GSE1: variants seen among roughly 807,000 people sequenced by gnomAD.
GSE1 encodes genetic suppressor element 1.
GSE1 carries 32 observed loss-of-function variants against 112.6 expected under a neutral mutation model. That is an observed-to-expected ratio of 0.28 (90% confidence interval 0.21 to 0.38). GSE1 has a LOEUF of 0.38. GSE1 is among the 10% of genes least tolerant of loss of function. The pLI is 1.00. For missense variants in GSE1, 2,348 were observed against 1,699.2 expected (o/e 1.38, Z -6.71); for synonymous variants, 1,115 against 735.6 (o/e 1.52, Z -8.35).
At chr16:85,626,630 G>C (rs1186776437) in intron 1 of GSE1, among the ~76,000 whole-genome samples, 1 of 152,202 alleles carries the variant, frequency 6.6e-6, no homozygotes, top group Non-Finnish European at 1.5e-5. Context: ...CAGGGGGAAG[G>C]GGCGGATTGG....
chr16:85,395,274 G>A (rs990129965), intron 2 of GSE1, among the ~76,000 whole-genome samples: 5 of 152,164 alleles, frequency 3.3e-5, no homozygotes, highest in Admixed American at 6.5e-5. Context: ...TCCAAGCCCC[G>A]AGCTGCTGAG....
At chr16:85,307,554 C>T (rs1166901114) in intron 1 of GSE1, among the ~76,000 whole-genome samples, 2 of 152,180 alleles carry the variant, frequency 1.3e-5, no homozygotes, top group African/African-American at 4.8e-5. Flanking sequence ...TCGAGCTGTC[C>T]CTCTCCGTGG....
chr16:85,244,339 C>T (rs1218431386), intron 1 of GSE1, among the ~76,000 whole-genome samples: 1 of 152,134 alleles, frequency 6.6e-6, no homozygotes, highest in African/African-American at 2.4e-5. Context: ...ATGTAGGTGG[C>T]TTCTAGAAGC....
At chr16:85,231,211 GGATA>G (rs751432742) in intron 1 of GSE1, among the ~76,000 whole-genome samples, 16 of 149,842 alleles carry the variant, frequency 1.1e-4, no homozygotes, top group South Asian at 4.3e-4. Context: ...ATGGACAGAA[GGATA>G]GATGGATGGA....
At chr16:85,511,689 T>A (rs2051751646) in intron 2 of GSE1, among the ~76,000 whole-genome samples, 1 of 152,098 alleles carries the variant, frequency 6.6e-6, no homozygotes, top group African/African-American at 2.4e-5. Flanking sequence ...CTAAATGCAA[T>A]CTCAAGTGTC....
At chr16:85,508,831 A>C (rs1358691467) in intron 2 of GSE1, among the ~76,000 whole-genome samples, 4 of 152,178 alleles carry the variant, frequency 2.6e-5, no homozygotes, top group Non-Finnish European at 5.9e-5. Flanking sequence ...AAAGGTTCGT[A>C]ACTGTGTGCC....
chr16:85,423,538 C>T (rs1477032720), intron 2 of GSE1, among the ~76,000 whole-genome samples: 6 of 151,862 alleles, frequency 4.0e-5, no homozygotes, highest in African/African-American at 7.3e-5. Context: ...GCTGGGGGGC[C>T]GCTGAGCCCC....
At chr16:85,453,771 C>T (rs187296211) in intron 2 of GSE1, among the ~76,000 whole-genome samples, 7 of 152,308 alleles carry the variant, frequency 4.6e-5, no homozygotes, top group Admixed American at 2.6e-4. Flanking sequence ...CTGCACAAGG[C>T]GGTCGCACCC....
chr16:85,572,847 T>C (rs61693885), intron 1 of GSE1, among the ~76,000 whole-genome samples: 69,846 of 151,974 alleles, frequency 0.46, 17,355 homozygotes, highest in East Asian at 0.66. Flanking sequence ...AACCTGCAGA[T>C]GATCAAGTCA....
intron 1 of GSE1, among the ~76,000 whole-genome samples, chr16:85,259,630 A>G (rs1237494174): frequency 6.6e-6 from 1 of 152,210 alleles, no homozygotes; most frequent in Non-Finnish European, 1.5e-5. Flanking sequence ...CTGTGGAAGC[A>G]TCAGTGCCAG....
Position 85,214,048 on chromosome 16 carries a change from T to G in GSE1, c.2283+42241T>G, listed in dbSNP as rs147645832. The stretch of plus-strand genomic sequence containing the variant: ...CAGGCTGGCACCGGCATCGTTCCAC[T>G]GGGTACATAATATCCCATAATAGGG... On this transcript the variant is annotated intron_variant, in intron 1 of 2. Transcript: ENST00000637419. 7.3e-3 allele frequency among the ~76,000 whole-genome samples: 1,109 copies of G among 152,342 alleles called. 9 individuals carry two copies. The highest frequency in any genetic ancestry group is 0.025 in the African/African-American group (1,038 of 41,572).
At chr16:85,359,733 G>A (rs1452196545) in intron 2 of GSE1, among the ~76,000 whole-genome samples, 1 of 152,210 alleles carries the variant, frequency 6.6e-6, no homozygotes, top group Non-Finnish European at 1.5e-5. Flanking sequence ...GTGAGCGAGG[G>A]GGATGGGGCA....
chr16:85,505,023 G>C (rs1385062619), intron 2 of GSE1, among the ~76,000 whole-genome samples: 1 of 151,928 alleles, frequency 6.6e-6, no homozygotes, highest in Admixed American at 6.6e-5. Flanking sequence ...ACATGTGCAC[G>C]CACACACAGC....
intron 2 of GSE1, among the ~76,000 whole-genome samples, chr16:85,440,845 G>C (rs2049358169): frequency 6.6e-6 from 1 of 152,242 alleles, no homozygotes; most frequent in South Asian, 2.1e-4. Context: ...CTGTGCCCTG[G>C]GAGGCCAACT....
intron 3 of GSE1, among the ~76,000 whole-genome samples, chr16:85,651,543 G>A (rs1261617519): frequency 6.6e-6 from 1 of 152,192 alleles, no homozygotes; most frequent in South Asian, 2.1e-4. Context: ...GCCCCTCCTT[G>A]TGGCGGGGCG....
chr16:85,612,514 A>T (rs1384399016), upstream of GSE1, among the ~76,000 whole-genome samples: 2 of 151,998 alleles, frequency 1.3e-5, no homozygotes, highest in Non-Finnish European at 2.9e-5. Context: ...CCCCTGGCGA[A>T]GCGGCGCCTC....
intron 2 of GSE1, among the ~76,000 whole-genome samples, chr16:85,457,129 C>A (rs1023812423): frequency 6.6e-6 from 1 of 152,142 alleles, no homozygotes; most frequent in Admixed American, 6.5e-5. Context: ...TTTCCTCTGA[C>A]CCCAAAAGAA....
intron 1 of GSE1, among the ~76,000 whole-genome samples, chr16:85,259,043 C>T (rs1907386188): frequency 6.6e-6 from 1 of 152,148 alleles, no homozygotes; most frequent in Non-Finnish European, 1.5e-5. Context: ...CCCAGAGGCC[C>T]CTCTTGGTCC....
Position 85,499,347 on chromosome 16 carries a change from G to C in GSE1, c.2465-134567G>C, listed in dbSNP as rs1421731424. ...TTTTTTTGAGACAGAGTCTCACTCA[G>C]TCGCCTAGGCCGGAGTGCAGTGGCG... On this transcript the variant is annotated intron_variant, in intron 2 of 2. Coordinates refer to the GSE1 transcript ENST00000637419. 1.2e-4 allele frequency among the ~76,000 whole-genome samples: 15 copies of C among 121,102 alleles called. No homozygotes were observed. The Admixed American group carries it at 1.7e-3, about 14-fold the overall frequency. The allele number at this position is 121,102 out of a possible 152,430, so 79.4% of individuals were successfully genotyped here. A position where few individuals can be genotyped will look rare whatever the true frequency, so the allele number is the denominator to read the frequency against.
Sources: allele counts gnomAD v4.1 joint callset (sites outside exome capture counted in the v4.1 genomes callset), GRCh38; gene constraint gnomAD v4.1.1; transcripts MANE v1.5; gene names NCBI Gene and HGNC (gene_info 2026-07-23, HGNC 2026-07-21).